Variants in VRK3 observed in about 807,000 individuals in gnomAD.
VRK3 encodes the protein VRK serine/threonine kinase 3.
In VRK3, 50 loss-of-function variants were observed where a neutral mutation model predicts 60.4. That is an observed-to-expected ratio of 0.83 (90% CI 0.66 to 1.05). The LOEUF (loss-of-function observed/expected upper bound fraction) is 1.05, where lower values mean the gene tolerates loss of function less well. Among genes scored for constraint, VRK3 ranks in the 50% least tolerant of loss-of-function variants. The pLI, the probability that VRK3 is intolerant of heterozygous loss-of-function variation, is 0.00. For missense variants in VRK3, 549 were observed against 585.3 expected, an observed-to-expected ratio of 0.94 and a Z score of 0.64; for synonymous variants, 246 against 227.8, an observed-to-expected ratio of 1.08 and a Z score of -0.72.
rs773747452 is a variant in VRK3, at chr19:49,992,906, T to A, written c.917A>T (p.Asn306Ile). The change falls in exon 10 of 15, where the codon AAT becomes ATT. Residue 306 changes from asparagine (N) to isoleucine (I), a missense_variant. Coordinates refer to ENST00000316763, the MANE Select transcript of VRK3 (RefSeq NM_016440.4). ...CACAAAGATATTTTCAGCTGTCACA[T>A]TTCCATGAACATACTCATTCTCATG... is the stretch of plus-strand genomic sequence containing the variant. ...FLHENEYVHGNVTAENIFVDP... is the reference protein window; with the variant it reads ...FLHENEYVHGIVTAENIFVDP... 1 of 1,613,904 alleles carries A rather than the reference T, an allele frequency of 6.2e-7. No homozygotes were observed. Among genetic ancestry groups the A allele is most frequent in the Admixed American group, 1.7e-5 (1 of 60,032 alleles).
At chr19:49,994,983 A>C (rs926969438) in intron 8 of VRK3, 64 bp from the exon 9 acceptor site, 20 of 1,495,148 alleles carry the variant, frequency 1.3e-5, no homozygotes, top group Non-Finnish European at 1.7e-5. Flanking sequence ...ACCGGCCGCC[A>C]AGGATGGACT....
At chr19:50,009,948 T>G (rs763962171) in intron 3 of VRK3, among the ~76,000 whole-genome samples, 8 of 152,070 alleles carry the variant, frequency 5.3e-5, no homozygotes, top group Non-Finnish European at 1.2e-4. Context: ...GCCTCTTCCA[T>G]GTAATTTCTT....
rs767746998 is a variant in VRK3 at position 49,992,920 on chromosome 19, C to T, written c.903G>A (p.Glu301=). The part of the protein sequence containing the change: ...LDALEFLHEN[E]YVHGNVTAEN... ...CAGCTGTCACATTTCCATGAACATA[C>T]TCATTCTCATGGAGGAACTCCAGGG... Residue 301 remains glutamate, a synonymous_variant, in exon 10 of 15, where the codon GAG becomes GAA. Coordinates refer to ENST00000316763, the MANE Select transcript of VRK3 (RefSeq NM_016440.4). 15 of 1,613,440 alleles carry T rather than the reference C, an allele frequency of 9.3e-6. No individual in the cohort carries two copies. The African/African-American group carries it at 1.9e-4, about 20-fold the overall frequency.
At chr19:50,005,923 G>A (rs949000118) in intron 5 of VRK3, among the ~76,000 whole-genome samples, 3 of 149,250 alleles carry the variant, frequency 2.0e-5, no homozygotes, top group South Asian at 2.1e-4. Flanking sequence ...TGACAGAAAC[G>A]TCCTGGAATT....
intron 7 of VRK3, chr19:49,996,934 A>G (rs1464935279): frequency 1.3e-5 from 2 of 152,130 alleles, no homozygotes; most frequent in Non-Finnish European, 2.9e-5. Context: ...TTTAATTGCT[A>G]GTACTGGCTG....
At chr19:49,982,898 C>T (rs2076447600) in intron 12 of VRK3, among the ~76,000 whole-genome samples, 1 of 152,138 alleles carries the variant, frequency 6.6e-6, no homozygotes, top group African/African-American at 2.4e-5. Flanking sequence ...ATCGGGCCAG[C>T]TCCCACCACC....
At chr19:49,985,127 C>T (rs761060483) in intron 12 of VRK3, among the ~76,000 whole-genome samples, 4 of 152,186 alleles carry the variant, frequency 2.6e-5, no homozygotes, top group Admixed American at 6.5e-5. Context: ...TTGTCCTGAA[C>T]TAACCCATTA....
At chr19:49,984,173 C>T (rs1422152270) in intron 12 of VRK3, among the ~76,000 whole-genome samples, 1 of 152,104 alleles carries the variant, frequency 6.6e-6, no homozygotes, top group East Asian at 1.9e-4. Context: ...GAAGACTCAA[C>T]CGAGGGGAGC....
intron 2 of VRK3, among the ~76,000 whole-genome samples, chr19:50,017,570 G>C (rs1447692848): frequency 1.3e-5 from 1 of 76,802 alleles, no homozygotes; most frequent in Non-Finnish European, 2.2e-5. Context: ...GTGAAACTCT[G>C]CCTCAAAAAA....
intron 10 of VRK3, among the ~76,000 whole-genome samples, chr19:49,991,780 C>T (rs1441245259): frequency 2.0e-5 from 3 of 152,134 alleles, no homozygotes; most frequent in South Asian, 2.1e-4. Context: ...ATGGGAGAGC[C>T]GGCTTCCCAA....
intron 5 of VRK3, among the ~76,000 whole-genome samples, chr19:50,003,539 C>T (rs2076844684): frequency 1.3e-5 from 2 of 152,142 alleles, no homozygotes; most frequent in South Asian, 2.1e-4. Flanking sequence ...TATAGCTCAG[C>T]GAGGCCCGGG....
chr19:50,003,201 T>C (rs1022297811), intron 5 of VRK3, among the ~76,000 whole-genome samples: 2 of 152,176 alleles, frequency 1.3e-5, no homozygotes, highest in Admixed American at 1.3e-4. Flanking sequence ...CAGGCCCTGC[T>C]GGGGACCCTG....
At position 50,015,863 on chromosome 19, in the gene VRK3, A is replaced by T. The variant is rs952021408; in HGVS notation, c.139+161T>A. 6.7e-6 allele frequency: 6 copies of T among 900,960 alleles called. No individual in the cohort carries two copies. The East Asian group carries it at 1.5e-4, about 22-fold the overall frequency. The allele number at this position is 900,960 out of a possible 1,614,324, so 55.8% of individuals were successfully genotyped here. ...AAAGCCATGAGGCCAATAAGAGGCC[A>T]AGAGACTGATGGTAGACAGAGGGGT... On this transcript the variant is annotated intron_variant, in intron 3 of 14. Transcript: ENST00000316763.
intron 10 of VRK3, among the ~76,000 whole-genome samples, chr19:49,990,735 G>A (rs8102461): frequency 1.3e-5 from 2 of 151,788 alleles, no homozygotes; most frequent in African/African-American, 2.4e-5. Flanking sequence ...ACACTTCCCC[G>A]GCTCCCTGTT....
intron 5 of VRK3, among the ~76,000 whole-genome samples, chr19:50,006,462 G>A (rs2076893802): frequency 6.6e-6 from 1 of 151,482 alleles, no homozygotes; most frequent in Non-Finnish European, 1.5e-5. Context: ...TGCAAGCTCT[G>A]CCTCCCGGGT....
intron 5 of VRK3, among the ~76,000 whole-genome samples, chr19:50,004,584 T>C (rs2076862870): frequency 6.6e-6 from 1 of 152,144 alleles, no homozygotes; most frequent in South Asian, 2.1e-4. Context: ...TCTCACAGTG[T>C]GGCTGGCAGC....
Position 49,994,800 on chromosome 19 carries a change from T to G in VRK3, c.870+14A>C. ...CTCCCTGACGCGGCAGCTGAGCAAC[T>G]TCTGGGTACGCACCAGCCGGCAGGC... On this transcript the variant is annotated intron_variant, in intron 9 of 14. Transcript: ENST00000316763. 1 of 1,608,890 alleles carries G rather than the reference T, an allele frequency of 6.2e-7. No individual in the cohort carries two copies. The highest frequency in any genetic ancestry group is 8.5e-7 in the Non-Finnish European group (1 of 1,176,840).
chr19:49,979,814 C>T (rs58700842), intron 13 of VRK3, among the ~76,000 whole-genome samples: 26,760 of 151,462 alleles, frequency 0.18, 2,557 homozygotes, highest in East Asian at 0.32. Context: ...GAGGCAGAGG[C>T]GGGTGGATCA....
At chr19:50,009,654 G>A (rs991856225) in intron 3 of VRK3, among the ~76,000 whole-genome samples, 5 of 152,102 alleles carry the variant, frequency 3.3e-5, no homozygotes, top group African/African-American at 1.2e-4. Flanking sequence ...GTATATTTGA[G>A]ATGGAGTCTC....
Sources: gnomAD v4.1 joint callset for allele counts (sites outside exome capture counted in the v4.1 genomes callset) on GRCh38, gnomAD v4.1.1 for gene constraint, MANE v1.5 for transcripts, NCBI Gene and HGNC (gene_info 2026-07-23, HGNC 2026-07-21) for gene names.